Variants in PTPRK observed in about 807,000 individuals in gnomAD.
PTPRK encodes protein tyrosine phosphatase receptor type K.
Under a neutral mutation model 178.0 loss-of-function variants are expected in PTPRK, and 75 were observed. The observed-to-expected ratio is 0.42, with a 90% confidence interval of 0.35 to 0.51. The LOEUF (loss-of-function observed/expected upper bound fraction) is 0.51, where lower values mean the gene tolerates loss of function less well. PTPRK is among the 20% of genes least tolerant of loss of function. PTPRK has a pLI of 0.02. For synonymous variants in PTPRK, 637 were observed against 620.6 expected, an observed-to-expected ratio of 1.03 and a Z score of -0.39; for missense variants, 1,441 against 1,797.8, an observed-to-expected ratio of 0.80 and a Z score of 3.59.
Position 128,193,361 on chromosome 6 carries a change from T to C in PTPRK, c.869-8636A>G, listed in dbSNP as rs546760586. Among the ~76,000 whole-genome samples the C allele has an allele frequency of 2.0e-5, 3 of 146,898 alleles. No homozygotes were observed. The South Asian group carries it at 6.7e-4, about 33-fold the overall frequency. On this transcript the variant is annotated intron_variant, in intron 6 of 29. Transcript: ENST00000368226. ...TTGTCTTTTCTACAAATCACATCAA[T>C]TAAAATGTTTTAAGTATTTTCCATG...
chr6:127,975,690 T>G lies in PTPRK; in HGVS notation c.3969+967A>C, dbSNP rs997262850. Among the ~76,000 whole-genome samples the G allele has an allele frequency of 6.6e-5, 10 of 152,192 alleles. No individual in the cohort carries two copies. The East Asian group carries it at 1.5e-3, about 23-fold the overall frequency. On this transcript the variant is annotated intron_variant, in intron 27 of 29. Coordinates refer to ENST00000368226, the MANE Select transcript of PTPRK (RefSeq NM_002844.4). Reference sequence around the variant, plus strand: ...AATTGTTTTTATTAATATCTTTTTTTGGGGGACGAAGTCTCGCTCTATACA... The same window carrying G: ...AATTGTTTTTATTAATATCTTTTTTGGGGGGACGAAGTCTCGCTCTATACA...
chr6:128,084,673 T>C (rs1785433371), intron 8 of PTPRK, among the ~76,000 whole-genome samples: 1 of 152,196 alleles, frequency 6.6e-6, no homozygotes, highest in South Asian at 2.1e-4. Flanking sequence ...ATTGACAAAA[T>C]ACCAGATAAA....
intron 7 of PTPRK, among the ~76,000 whole-genome samples, chr6:128,103,389 T>A (rs576155485): frequency 3.5e-4 from 54 of 152,176 alleles, no homozygotes; most frequent in Non-Finnish European, 5.3e-4. Context: ...CTGAGCTGAT[T>A]AACACTTAAG....
chr6:128,081,434 G>T (rs187513502), intron 10 of PTPRK, among the ~76,000 whole-genome samples: 1 of 151,558 alleles, frequency 6.6e-6, no homozygotes, highest in East Asian at 1.9e-4. Context: ...TACTCAACAC[G>T]TTTGCAAGTA....
At chr6:128,334,620 A>T (rs980172612) in intron 2 of PTPRK, among the ~76,000 whole-genome samples, 1 of 152,222 alleles carries the variant, frequency 6.6e-6, no homozygotes, top group African/African-American at 2.4e-5. Flanking sequence ...AGTTCTCAGG[A>T]ACAAGGATCA....
At chr6:128,215,978 T>A (rs1465103836) in intron 6 of PTPRK, among the ~76,000 whole-genome samples, 1 of 152,108 alleles carries the variant, frequency 6.6e-6, no homozygotes, top group Admixed American at 6.5e-5. Flanking sequence ...TAGTAATATT[T>A]ATTTGGTGGT....
At position 128,184,475 on chromosome 6, in the gene PTPRK, C is replaced by A. The variant is rs779884872; in HGVS notation, c.1119G>T (p.Thr373=). Residue 373 remains threonine, a synonymous_variant, in exon 7 of 30, where the codon ACG becomes ACT. Transcript: ENST00000368226. ...VLLTRPGEGG[T]GLPGPPLITR... ...TGATTAGTGGAGGTCCTGGGAGCCC[C>A]GTTCCACCTTCACCAGGTCTTGTAA... 3 of 1,613,554 alleles carry A rather than the reference C, an allele frequency of 1.9e-6. No individual in the cohort carries two copies. Among genetic ancestry groups the A allele is most frequent in the Admixed American group, 3.3e-5 (2 of 59,924 alleles).
At chr6:128,241,353 C>A in intron 4 of PTPRK, 1 of 527,692 alleles carries the variant, frequency 1.9e-6, no homozygotes. Context: ...TGTCAGGCCC[C>A]ACCCCAGACC....
intron 2 of PTPRK, among the ~76,000 whole-genome samples, chr6:128,384,987 A>G (rs1376061844): frequency 1.3e-5 from 2 of 150,874 alleles, no homozygotes; most frequent in Non-Finnish European, 3.0e-5. Flanking sequence ...GATGATTAAA[A>G]ACAAATACAA....
intron 1 of PTPRK, among the ~76,000 whole-genome samples, chr6:128,435,189 C>T (rs543495163): frequency 3.3e-5 from 5 of 152,208 alleles, no homozygotes; most frequent in African/African-American, 1.2e-4. Context: ...ATATTCCTCA[C>T]ATGTGAGCCT....
intron 7 of PTPRK, among the ~76,000 whole-genome samples, chr6:128,173,343 G>C (rs1800582719): frequency 6.6e-6 from 1 of 151,986 alleles, no homozygotes; most frequent in Admixed American, 6.6e-5. Context: ...AATCAGAATA[G>C]TTCATGCAAT....
chr6:128,444,780 CAA>C (rs1846722380), intron 1 of PTPRK, among the ~76,000 whole-genome samples: 1 of 152,024 alleles, frequency 6.6e-6, no homozygotes, highest in African/African-American at 2.4e-5. Flanking sequence ...AGCTTGTTGC[CAA>C]AAGAGTATTT....
chr6:128,416,163 C>T (rs1044836229), intron 1 of PTPRK, among the ~76,000 whole-genome samples: 4 of 151,918 alleles, frequency 2.6e-5, no homozygotes, highest in Admixed American at 1.3e-4. Flanking sequence ...TTAATAAGTA[C>T]TTATACTTGG....
At chr6:128,282,081 C>CA (rs1245705506) in intron 3 of PTPRK, among the ~76,000 whole-genome samples, 13 of 152,088 alleles carry the variant, frequency 8.5e-5, no homozygotes, top group Non-Finnish European at 1.6e-4. Context: ...TGTTTTTCCC[C>CA]AGTGAATCCA....
intron 1 of PTPRK, among the ~76,000 whole-genome samples, chr6:128,410,039 C>T (rs1842122368): frequency 2.0e-5 from 3 of 152,172 alleles, no homozygotes; most frequent in African/African-American, 7.2e-5. Flanking sequence ...TTAGCCCTCA[C>T]CATTATGATT....
chr6:128,216,021 T>C (rs1372014640), intron 6 of PTPRK, among the ~76,000 whole-genome samples: 1 of 152,076 alleles, frequency 6.6e-6, no homozygotes, highest in East Asian at 1.9e-4. Flanking sequence ...TATTCCTCTG[T>C]ATTGGTTTTC....
At chr6:128,104,060 T>C (rs1396765321) in intron 7 of PTPRK, among the ~76,000 whole-genome samples, 2 of 152,224 alleles carry the variant, frequency 1.3e-5, no homozygotes, top group African/African-American at 4.8e-5. Flanking sequence ...AATGTTATTC[T>C]ACCAGATATT....
At chr6:128,496,552 G>A (rs1055017151) in intron 1 of PTPRK, among the ~76,000 whole-genome samples, 1 of 152,164 alleles carries the variant, frequency 6.6e-6, no homozygotes, top group Non-Finnish European at 1.5e-5. Context: ...AAGACCTTGA[G>A]ATGTGAGATC....
At chr6:128,341,731 C>T (rs1455319674) in intron 2 of PTPRK, among the ~76,000 whole-genome samples, 1 of 152,140 alleles carries the variant, frequency 6.6e-6, no homozygotes, top group Non-Finnish European at 1.5e-5. Flanking sequence ...GATTCCTTTT[C>T]AAGTTGATTA....
Sources: allele counts gnomAD v4.1 joint callset (sites outside exome capture counted in the v4.1 genomes callset), GRCh38; gene constraint gnomAD v4.1.1; transcripts MANE v1.5; gene names NCBI Gene and HGNC (gene_info 2026-07-23, HGNC 2026-07-21).